The following RGS6 variants were observed in gnomAD, a reference collection of about 807,000 sequenced individuals.
RGS6 encodes regulator of G-protein signaling 6.
RGS6 carries 30 observed loss-of-function variants against 78.5 expected under a neutral mutation model. That is an observed-to-expected ratio of 0.38 (90% CI 0.29 to 0.52). The LOEUF (loss-of-function observed/expected upper bound fraction) is 0.52, where lower values mean the gene tolerates loss of function less well. Ranked by LOEUF, RGS6 falls within the 20% of genes least tolerant of loss-of-function variation. RGS6 has a pLI of 0.85. For synonymous variants in RGS6, 206 were observed against 206.0 expected, an observed-to-expected ratio of 1.00 and a Z score of 0.00; for missense variants, 495 against 609.7, an observed-to-expected ratio of 0.81 and a Z score of 1.98.
intron 2 of RGS6, among the ~76,000 whole-genome samples, chr14:72,154,290 C>A (rs1039613231): frequency 6.6e-6 from 1 of 152,026 alleles, no homozygotes; most frequent in Non-Finnish European, 1.5e-5. Flanking sequence ...TGTTCAAACA[C>A]ACGTTTTACA....
intron 6 of RGS6, among the ~76,000 whole-genome samples, chr14:72,463,731 T>C (rs1157974754): frequency 6.6e-6 from 1 of 152,236 alleles, no homozygotes; most frequent in African/African-American, 2.4e-5. Context: ...TGCTCAAAGG[T>C]AATCATGACC....
intron 2 of RGS6, among the ~76,000 whole-genome samples, chr14:72,122,857 G>A (rs2096087638): frequency 1.3e-5 from 2 of 151,428 alleles, no homozygotes; most frequent in Non-Finnish European, 2.9e-5. Flanking sequence ...ACATTTCCTA[G>A]TTATATCACT....
intron 3 of RGS6, among the ~76,000 whole-genome samples, chr14:72,354,940 T>C (rs1307918132): frequency 6.6e-6 from 1 of 152,096 alleles, no homozygotes; most frequent in African/African-American, 2.4e-5. Flanking sequence ...AATTTTACTA[T>C]ATTATTTTTC....
intron 2 of RGS6, among the ~76,000 whole-genome samples, chr14:72,284,916 T>C (rs146022732): frequency 1.3e-5 from 2 of 152,266 alleles, no homozygotes; most frequent in East Asian, 1.9e-4. Context: ...TCAAAGGAGA[T>C]CATTTTCAAG....
chr14:72,436,699 T>C (rs1297984520), intron 3 of RGS6, among the ~76,000 whole-genome samples: 2 of 152,220 alleles, frequency 1.3e-5, no homozygotes, highest in Non-Finnish European at 2.9e-5. Flanking sequence ...GCAAGGTAAC[T>C]TTCCACTGAC....
chr14:71,953,345 C>G (rs1460225995), intron 1 of RGS6, among the ~76,000 whole-genome samples: 1 of 152,156 alleles, frequency 6.6e-6, no homozygotes, highest in East Asian at 1.9e-4. Flanking sequence ...GTTACAACAA[C>G]TCAATTCTGC....
chr14:72,597,396 G>A, the RGS6 span, among the ~76,000 whole-genome samples: 111 of 152,384 alleles, frequency 7.3e-4, no homozygotes, highest in Admixed American at 9.8e-4. Context: ...CTAGTAGGGT[G>A]TAGTGGACTC....
rs1048919689 is a variant in RGS6 at position 72,563,683 on chromosome 14, C to G, written c.*1216C>G. On this transcript the variant is annotated 3_prime_UTR_variant, in exon 18 of 18. Transcript: ENST00000553525. ...TGTGTCAAAATGACCATTTGCCAACCTGGCTGTGAGGTAATGTATGTAAAG... is the reference window on the plus strand; with the variant it reads ...TGTGTCAAAATGACCATTTGCCAACGTGGCTGTGAGGTAATGTATGTAAAG... The G allele has an allele frequency of 6.6e-6, 1 of 152,264 alleles. No homozygotes were observed. Among genetic ancestry groups the G allele is most frequent in the Non-Finnish European group, 1.5e-5 (1 of 68,058 alleles). The allele number at this position is 152,264 out of a possible 1,614,324, so 9.4% of individuals were successfully genotyped here.
At chr14:72,456,561 C>A (rs1174849020) in intron 4 of RGS6, among the ~76,000 whole-genome samples, 1 of 152,232 alleles carries the variant, frequency 6.6e-6, no homozygotes, top group African/African-American at 2.4e-5. Flanking sequence ...TCCCACAGTG[C>A]TTGGATTACA....
chr14:72,457,968 G>A (rs2095674977), intron 4 of RGS6, among the ~76,000 whole-genome samples: 1 of 152,186 alleles, frequency 6.6e-6, no homozygotes, highest in Admixed American at 6.5e-5. Flanking sequence ...TTAAATACAG[G>A]TTCTTCTATG....
chr14:71,936,130 A>G (rs12587834), intron 1 of RGS6, among the ~76,000 whole-genome samples: 1 of 150,270 alleles, frequency 6.7e-6, no homozygotes. Flanking sequence ...CCATATATCT[A>G]TAAAGGGGAG....
At chr14:72,265,141 G>C (rs983195219) in intron 2 of RGS6, among the ~76,000 whole-genome samples, 1 of 152,160 alleles carries the variant, frequency 6.6e-6, no homozygotes, top group Non-Finnish European at 1.5e-5. Flanking sequence ...TTTTCAGGTT[G>C]GCTAAGTGTA....
At chr14:72,447,577 G>A (rs1448822699) in intron 3 of RGS6, among the ~76,000 whole-genome samples, 1 of 152,178 alleles carries the variant, frequency 6.6e-6, no homozygotes, top group Admixed American at 6.5e-5. Context: ...GCTGGTATGA[G>A]GTCCCTGAAA....
At chr14:72,590,583 C>T in the RGS6 span, among the ~76,000 whole-genome samples, 1 of 152,186 alleles carries the variant, frequency 6.6e-6, no homozygotes, top group South Asian at 2.1e-4. Context: ...ATAGTAGTCA[C>T]CTGGGGCTAG....
chr14:72,562,380 C>T (rs560687036), intron 17 of RGS6, 37 bp from the exon 18 acceptor site: 48 of 1,593,006 alleles, frequency 3.0e-5, no homozygotes, highest in Admixed American at 1.3e-4. Flanking sequence ...TCTGTGTGTG[C>T]GCCTGTGCGT....
At chr14:72,611,511 C>G in the RGS6 span, among the ~76,000 whole-genome samples, 1 of 151,870 alleles carries the variant, frequency 6.6e-6, no homozygotes, top group Non-Finnish European at 1.5e-5. Context: ...ACTTGAAGCC[C>G]CCACCCCCCC....
In RGS6 at chr14:72,438,898, G is replaced by A. The variant is rs75875274; in HGVS notation, c.185-15630G>A. On this transcript the variant is annotated intron_variant, in intron 3 of 17. Coordinates refer to ENST00000553525, the MANE Select transcript of RGS6 (RefSeq NM_001204424.2). ...CCTGGTCTCCTCTCCACTGTGTTCT[G>A]TGTGGCCAACCTCCAGGCGTACGAG... Among the ~76,000 whole-genome samples, 423 of 152,324 alleles carry A rather than the reference G, an allele frequency of 2.8e-3. 2 individuals are homozygous for A. The highest frequency in any genetic ancestry group is 9.8e-3 in the African/African-American group (409 of 41,572).
chr14:72,114,776 T>C (rs1230212292), intron 2 of RGS6, among the ~76,000 whole-genome samples: 4 of 152,250 alleles, frequency 2.6e-5, no homozygotes, highest in African/African-American at 9.6e-5. Flanking sequence ...GTAAGCTTAA[T>C]TACTTGGATG....
At chr14:72,140,786 G>T (rs1328184311) in intron 2 of RGS6, among the ~76,000 whole-genome samples, 1 of 152,162 alleles carries the variant, frequency 6.6e-6, no homozygotes, top group Admixed American at 6.5e-5. Flanking sequence ...TTTTCAGCTG[G>T]GCTTTTGAGC....
Sources: gnomAD v4.1 joint callset for allele counts (sites outside exome capture counted in the v4.1 genomes callset) on GRCh38, gnomAD v4.1.1 for gene constraint, MANE v1.5 for transcripts, NCBI Gene and HGNC (gene_info 2026-07-23, HGNC 2026-07-21) for gene names.